The following NCAPG variants were observed in gnomAD, a reference collection of about 807,000 sequenced individuals.
NCAPG encodes non-SMC condensin I complex subunit G, also known as condensin complex subunit 3.
NCAPG carries 69 observed loss-of-function variants against 113.1 expected under a neutral mutation model. The ratio of observed to expected loss-of-function variants is 0.61; its 90% CI spans 0.50 to 0.75. The LOEUF (loss-of-function observed/expected upper bound fraction) is 0.75, where lower values mean the gene tolerates loss of function less well. Ranked by LOEUF, NCAPG falls within the 30% of genes least tolerant of loss-of-function variation. The pLI is 0.00. For synonymous variants in NCAPG, 370 were observed against 415.8 expected (o/e 0.89, Z 1.34); for missense variants, 1,058 against 1,177.0 (o/e 0.90, Z 1.48).
rs776878654 is a variant in NCAPG at position 17,837,161 on chromosome 4, A to T, written c.2112A>T (p.Val704=). 3.1e-6 allele frequency: 5 copies of T among 1,612,916 alleles called. No individual in the cohort carries two copies. In the African/African-American group the frequency reaches 6.7e-5, roughly 22 times the overall value. Residue 704 remains valine (V), a splice_region_variant and synonymous_variant, in exon 15 of 21, where the codon GTA becomes GTT. Transcript: ENST00000251496. The stretch of plus-strand genomic sequence containing the variant: ...CTAATGAATGTCATCTTTGTTAGGT[A>T]TCTGAACTTAGGACTGGAGCTGCAG... ...KLLSDFLDSE[V]SELRTGAAEG...
chr4:17,835,420 G>A (rs1386350480), intron 14 of NCAPG, among the ~76,000 whole-genome samples: 4 of 152,004 alleles, frequency 2.6e-5, no homozygotes, highest in Admixed American at 6.6e-5. Context: ...TTGAACTCCT[G>A]GCCTCAAGTG....
In NCAPG at chr4:17,837,824, T is replaced by G. The variant is rs780869973; in HGVS notation, c.2466+23T>G. Reference sequence around the variant, plus strand: ...CAGGTGAGTGACTGTGGTAACTGCATGCAGATCACTGTTTTGGTAAAATAA... The same window carrying G: ...CAGGTGAGTGACTGTGGTAACTGCAGGCAGATCACTGTTTTGGTAAAATAA... On this transcript the variant is annotated intron_variant, in intron 16 of 20. Transcript: ENST00000251496. 18 of 1,612,018 alleles carry G rather than the reference T, an allele frequency of 1.1e-5. No homozygotes were observed. In the East Asian group the frequency reaches 2.9e-4, roughly 26 times the overall value.
intron 12 of NCAPG, among the ~76,000 whole-genome samples, chr4:17,830,096 A>G (rs961666455): frequency 1.4e-4 from 21 of 152,136 alleles, no homozygotes; most frequent in African/African-American, 4.8e-4. Context: ...TGCTGTAAGG[A>G]TTAAAAACAT....
Position 17,831,050 on chromosome 4 carries a change from A to G in NCAPG, c.1818A>G (p.Leu606=). 1 of 1,613,672 alleles carries G rather than the reference A, an allele frequency of 6.2e-7. No homozygotes were observed. The highest frequency in any genetic ancestry group is 8.5e-7 in the Non-Finnish European group (1 of 1,179,696). ...CTGTTGTAAGAAACCTGGCTGTTTT[A>G]TGCTTGGGATGCTGTGGACTACAGA... ...IHPVVRNLAV[L]CLGCCGLQNQ... Residue 606 remains leucine (L), a synonymous_variant, in exon 13 of 21, where the codon TTA becomes TTG. Transcript: ENST00000251496.
At position 17,817,337 on chromosome 4, in the gene NCAPG, G is replaced by C. The variant is rs141939992; in HGVS notation, c.852G>C (p.Leu284Phe). 28 of 1,613,954 alleles carry C rather than the reference G, an allele frequency of 1.7e-5. No individual in the cohort carries two copies. The African/African-American group carries it at 3.5e-4, about 20-fold the overall frequency. ...TCTCTGAAGGAAATATCTTAGAGTT[G>C]CTCCATCGGTTGGATGTAGAAAATT... is the stretch of plus-strand genomic sequence containing the variant. The part of the protein sequence containing the change: ...LRFSEGNILE[L>F]LHRLDVENSS... The change falls in exon 6 of 21, where the codon TTG becomes TTC. Residue 284 changes from leucine (L) to phenylalanine (F), a missense_variant. By Grantham distance (22) the Leu-to-Phe change is conservative. Transcript: ENST00000251496.
chr4:17,834,963 T>C (rs1310130998), intron 14 of NCAPG, among the ~76,000 whole-genome samples: 2 of 152,222 alleles, frequency 1.3e-5, no homozygotes, highest in Admixed American at 6.5e-5. Context: ...AAGTGGGTTG[T>C]TATTTTTTAT....
chr4:17,835,870 T>C (rs528683736), intron 14 of NCAPG, among the ~76,000 whole-genome samples: 4 of 152,368 alleles, frequency 2.6e-5, no homozygotes, highest in Non-Finnish European at 5.9e-5. Flanking sequence ...ATTCATCCAT[T>C]GAAGGACAGT....
chr4:17,842,448 C>CTAAT, intron 20 of NCAPG, 69 bp downstream of exon 20: 1 of 1,289,236 alleles, frequency 7.8e-7, no homozygotes, highest in Non-Finnish European at 1.1e-6. Context: ...TAGAAAAAAA[C>CTAAT]TAATTTTCTT....
chr4:17,813,167 T>A (rs1441657520), intron 3 of NCAPG, 22 bp downstream of exon 3: 1 of 1,554,366 alleles, frequency 6.4e-7, no homozygotes, highest in Non-Finnish European at 8.7e-7. Context: ...TTCCTAAATC[T>A]TTTTTCAGAT....
intron 13 of NCAPG, among the ~76,000 whole-genome samples, chr4:17,833,043 T>G (rs1470798929): frequency 6.6e-6 from 1 of 152,166 alleles, no homozygotes; most frequent in African/African-American, 2.4e-5. Flanking sequence ...AGCCAAGTTA[T>G]AGAGCCAAGT....
chr4:17,823,811 A>C, intron 9 of NCAPG, 41 bp downstream of exon 9: 2 of 1,490,234 alleles, frequency 1.3e-6, no homozygotes, highest in South Asian at 2.4e-5. Context: ...GGTTTTGGTC[A>C]ATGACATTGA....
At chr4:17,818,250 T>G (rs1207651330) in intron 7 of NCAPG, among the ~76,000 whole-genome samples, 162 bp downstream of exon 7, 1 of 152,228 alleles carries the variant, frequency 6.6e-6, no homozygotes, top group East Asian at 1.9e-4. Flanking sequence ...GAATATCTTG[T>G]GCTGGTCTGT....
At chr4:17,819,090 CT>C (rs1372270740) in intron 7 of NCAPG, among the ~76,000 whole-genome samples, 1 of 151,108 alleles carries the variant, frequency 6.6e-6, no homozygotes, top group Non-Finnish European at 1.5e-5. Flanking sequence ...TGTGTATATA[CT>C]TTTTTTTTCA....
At position 17,811,603 on chromosome 4, in the gene NCAPG, C is replaced by G. The variant is rs989553141; in HGVS notation, c.111+415C>G. Among the ~76,000 whole-genome samples the G allele has an allele frequency of 3.3e-5, 5 of 152,142 alleles. No homozygotes were observed. Among genetic ancestry groups the G allele is most frequent in the Non-Finnish European group, 7.4e-5 (5 of 68,018 alleles). ...TGCCCCTGGGGTCATCGCTCCCCGC[C>G]GAACATCAAATGATTCTACCCTTGT... is the stretch of plus-strand genomic sequence containing the variant. On this transcript the variant is annotated intron_variant, in intron 1 of 20. Transcript: ENST00000251496. This position sits in a 1 kb window ranked among gnomAD's most constrained non-coding sequence, Gnocchi z 5.3.
At chr4:17,815,404 G>C in intron 5 of NCAPG, 46 bp downstream of exon 5, 1 of 1,405,566 alleles carries the variant, frequency 7.1e-7, no homozygotes. Flanking sequence ...TAGATTTTGA[G>C]GTCAGACTTA....
intron 20 of NCAPG, chr4:17,842,620 T>C (rs1052495701): frequency 2.5e-6 from 1 of 398,334 alleles, no homozygotes; most frequent in Non-Finnish European, 4.6e-6. Flanking sequence ...ATATGTTGTT[T>C]CAATTTTTAA....
intron 11 of NCAPG, among the ~76,000 whole-genome samples, chr4:17,825,946 G>T (rs997133484): frequency 6.6e-6 from 1 of 151,838 alleles, no homozygotes; most frequent in Non-Finnish European, 1.5e-5. Context: ...CTTTTTTATT[G>T]CTAGCAAAAT....
At position 17,842,341 on chromosome 4, in the gene NCAPG, G is replaced by T; in HGVS notation, c.2886G>T (p.Thr962=). 1 of 1,612,150 alleles carries T rather than the reference G, an allele frequency of 6.2e-7. No homozygotes were observed. The highest frequency in any genetic ancestry group is 8.5e-7 in the Non-Finnish European group (1 of 1,178,562). Residue 962 remains threonine (T), a synonymous_variant, in exon 20 of 21, where the codon ACG becomes ACT. Coordinates refer to ENST00000251496, the MANE Select transcript of NCAPG (RefSeq NM_022346.5). ...GAAAAGTGACAGTTTCAGCTAGGAC[G>T]AACAGGAGGTGTCAGACTGCTGAAG... The part of the protein sequence containing the change: ...GQRKVTVSAR[T]NRRCQTAEAD...
At chr4:17,814,210 A>G (rs571109827) in intron 3 of NCAPG, among the ~76,000 whole-genome samples, 1 of 152,340 alleles carries the variant, frequency 6.6e-6, no homozygotes, top group South Asian at 2.1e-4. Context: ...TAGCACAGAC[A>G]TAATCTTAAT....
Sources: gnomAD v4.1 joint callset for allele counts (sites outside exome capture counted in the v4.1 genomes callset) on GRCh38, gnomAD v4.1.1 for gene constraint, Gnocchi (gnomAD v3.1) non-coding constraint, MANE v1.5 for transcripts, NCBI Gene and HGNC (gene_info 2026-07-23, HGNC 2026-07-21) for gene names.